GNB4: variants seen among roughly 807,000 people sequenced by gnomAD.
The protein encoded by GNB4 is guanine nucleotide-binding protein subunit beta-4.
GNB4 carries 28 observed loss-of-function variants against 45.2 expected under a neutral mutation model. The ratio of observed to expected loss-of-function variants is 0.62; its 90% CI spans 0.46 to 0.85. The LOEUF (loss-of-function observed/expected upper bound fraction) is 0.85. GNB4 is among the 40% of genes least tolerant of loss of function. The pLI is 0.00. For synonymous variants in GNB4, 132 were observed against 143.7 expected, an observed-to-expected ratio of 0.92 and a Z score of 0.58; for missense variants, 321 against 425.4, an observed-to-expected ratio of 0.75 and a Z score of 2.16.
At chr3:179,477,644 G>A in the GNB4 span, among the ~76,000 whole-genome samples, 17 of 152,094 alleles carry the variant, frequency 1.1e-4, no homozygotes, top group Non-Finnish European at 2.1e-4. Context: ...GGCCAAGAGG[G>A]GAGGGTCACT....
chr3:179,503,862 G>C, the GNB4 span, among the ~76,000 whole-genome samples: 1 of 152,282 alleles, frequency 6.6e-6, no homozygotes, highest in Middle Eastern at 3.4e-3. Context: ...TGTTTGATCT[G>C]TTTTCCATTT....
intron 6 of GNB4, among the ~76,000 whole-genome samples, chr3:179,414,290 T>G (rs1225591835): frequency 6.6e-6 from 1 of 152,230 alleles, no homozygotes; most frequent in Non-Finnish European, 1.5e-5. Flanking sequence ...ATGTGGCATT[T>G]GAATGCTTAG....
At chr3:179,436,255 A>G (rs1715445869) in intron 1 of GNB4, among the ~76,000 whole-genome samples, 3 of 152,176 alleles carry the variant, frequency 2.0e-5, no homozygotes, top group Middle Eastern at 3.4e-3. Flanking sequence ...AAAATTAGCC[A>G]GGCGCATGCC....
chr3:179,408,131 AC>A (rs1460912660), intron 8 of GNB4, among the ~76,000 whole-genome samples: 3 of 152,244 alleles, frequency 2.0e-5, no homozygotes, highest in Non-Finnish European at 2.9e-5. Flanking sequence ...GGTAAAATTC[AC>A]AATGTCTGGT....
chr3:179,483,804 T>G, the GNB4 span, among the ~76,000 whole-genome samples: 10 of 152,244 alleles, frequency 6.6e-5, no homozygotes, highest in African/African-American at 2.4e-4. Context: ...AGAGAGTTTT[T>G]TCTTTTCTGA....
At chr3:179,494,907 C>CAAAAAAA in the GNB4 span, among the ~76,000 whole-genome samples, 1 of 33,988 alleles carries the variant, frequency 2.9e-5, no homozygotes, top group African/African-American at 1.2e-4. Flanking sequence ...GACTCTGTCT[C>CAAAAAAA]AAAAAAAAAA....
the GNB4 span, among the ~76,000 whole-genome samples, chr3:179,475,274 T>C: frequency 8.6e-5 from 13 of 150,310 alleles, no homozygotes; most frequent in Non-Finnish European, 1.5e-4. Flanking sequence ...CGTGCCACCA[T>C]GCCTGGCTAA....
chr3:179,520,639 C>T, the GNB4 span, among the ~76,000 whole-genome samples: 14 of 152,228 alleles, frequency 9.2e-5, 1 homozygote, highest in Middle Eastern at 0.01. Flanking sequence ...TTCTGCTCCC[C>T]GGCTCCTTCA....
chr3:179,398,560 TTGA>T lies in GNB4; in HGVS notation c.*2650_*2652del, dbSNP rs1178133406. The T allele has an allele frequency of 6.6e-6, 1 of 151,554 alleles. No individual in the cohort carries two copies. The highest frequency in any genetic ancestry group is 1.5e-5 in the Non-Finnish European group (1 of 67,984). The allele number at this position is 151,554 out of a possible 1,614,324, so 9.4% of individuals were successfully genotyped here. On this transcript the variant is annotated 3_prime_UTR_variant, in exon 10 of 10. Transcript: ENST00000232564. Reference sequence around the variant, plus strand: ...AAAAGGAACATTAACTGCAATATTCTTGATGATGCAAATTTTTAAAAACTAAAT... The same window carrying T: ...AAAAGGAACATTAACTGCAATATTCTTGATGCAAATTTTTAAAAACTAAAT...
At chr3:179,453,499 C>G (rs960577237), upstream of GNB4, among the ~76,000 whole-genome samples, 1 of 152,134 alleles carries the variant, frequency 6.6e-6, no homozygotes, top group African/African-American at 2.4e-5. Context: ...GCTTTGAGAG[C>G]TGGTTGTTGG....
At chr3:179,484,791 A>C in the GNB4 span, among the ~76,000 whole-genome samples, 2 of 151,798 alleles carry the variant, frequency 1.3e-5, no homozygotes, top group African/African-American at 4.8e-5. Context: ...TTCAATGTTA[A>C]TCAATCAACT....
chr3:179,502,466 C>T, the GNB4 span, among the ~76,000 whole-genome samples: 7 of 152,184 alleles, frequency 4.6e-5, no homozygotes, highest in African/African-American at 1.4e-4. Flanking sequence ...CTCCTGACCT[C>T]AAGTGATCTG....
At chr3:179,414,673 C>T (rs1438116048) in intron 6 of GNB4, among the ~76,000 whole-genome samples, 1 of 151,968 alleles carries the variant, frequency 6.6e-6, no homozygotes, top group Non-Finnish European at 1.5e-5. Flanking sequence ...TCATTTTTTA[C>T]AAAAACAATA....
chr3:179,435,865 G>GA (rs1363059582), intron 1 of GNB4, among the ~76,000 whole-genome samples: 1 of 152,086 alleles, frequency 6.6e-6, no homozygotes, highest in Non-Finnish European at 1.5e-5. Context: ...AAATAAAATG[G>GA]AAAAAAATAC....
the GNB4 span, among the ~76,000 whole-genome samples, chr3:179,516,739 C>T: frequency 3.3e-5 from 5 of 152,042 alleles, no homozygotes; most frequent in African/African-American, 7.2e-5. Flanking sequence ...AAGAACCATT[C>T]GCCTTGTGTG....
intron 1 of GNB4, among the ~76,000 whole-genome samples, chr3:179,439,234 G>A (rs868833142): frequency 3.9e-5 from 6 of 152,286 alleles, no homozygotes; most frequent in Non-Finnish European, 8.8e-5. Context: ...GTGATTGGAG[G>A]AAAGTTCAAG....
chr3:179,501,251 T>C, the GNB4 span, among the ~76,000 whole-genome samples: 1 of 152,156 alleles, frequency 6.6e-6, no homozygotes, highest in Non-Finnish European at 1.5e-5. Context: ...ACCTGGGCCT[T>C]GTCAGTCCTC....
chr3:179,463,415 T>C, the GNB4 span, among the ~76,000 whole-genome samples: 1 of 152,364 alleles, frequency 6.6e-6, no homozygotes, highest in African/African-American at 2.4e-5. Flanking sequence ...TAATGTTATA[T>C]TTACTATGTT....
chr3:179,405,042 CA>C, intron 9 of GNB4, 147 bp downstream of exon 9: 2 of 554,456 alleles, frequency 3.6e-6, no homozygotes, highest in Non-Finnish European at 6.3e-6. Context: ...TAACCACAAA[CA>C]AAAGGTAACA....
Sources: allele counts gnomAD v4.1 joint callset (sites outside exome capture counted in the v4.1 genomes callset), GRCh38; gene constraint gnomAD v4.1.1; transcripts MANE v1.5; gene names NCBI Gene and HGNC (gene_info 2026-07-23, HGNC 2026-07-21).